GUCY1A2: variants seen among roughly 807,000 people sequenced by gnomAD.
The protein encoded by GUCY1A2 is guanylate cyclase soluble subunit alpha-2.
In GUCY1A2, 27 loss-of-function variants were observed where a neutral mutation model predicts 63.5. That is an observed-to-expected ratio of 0.43 (90% CI 0.31 to 0.59). The LOEUF is 0.59. GUCY1A2 is among the 20% of genes least tolerant of loss of function. The pLI is 0.11. For synonymous variants in GUCY1A2, 364 were observed against 343.5 expected (o/e 1.06, Z -0.66); for missense variants, 768 against 913.3 (o/e 0.84, Z 2.05).
chr11:106,901,653 C>A (rs1023178528), intron 4 of GUCY1A2, among the ~76,000 whole-genome samples: 3 of 136,494 alleles, frequency 2.2e-5, no homozygotes, highest in Non-Finnish European at 3.1e-5. Context: ...CACCCCACAA[C>A]AGGCCTCGGT....
intron 3 of GUCY1A2, among the ~76,000 whole-genome samples, chr11:106,962,024 A>G (rs1248667503): frequency 6.6e-6 from 1 of 152,238 alleles, no homozygotes. Context: ...ACAAATAAGA[A>G]TAAAGTTAAG....
intron 4 of GUCY1A2, among the ~76,000 whole-genome samples, chr11:106,863,725 C>T (rs1859547516): frequency 6.6e-6 from 1 of 151,992 alleles, no homozygotes; most frequent in Non-Finnish European, 1.5e-5. Context: ...TTACTTTGGG[C>T]AGTATGGCCA....
In GUCY1A2 at chr11:106,678,999, G is replaced by C; in HGVS notation, c.*8550C>G. The C allele has an allele frequency of 5.3e-6, 1 of 189,280 alleles. No individual in the cohort carries two copies. Among genetic ancestry groups the C allele is most frequent in the East Asian group, 8.4e-5 (1 of 11,872 alleles). 11.7% of individuals were successfully genotyped at this position (189,280 alleles called of 1,614,324 possible). On this transcript the variant is annotated 3_prime_UTR_variant, in exon 8 of 8. Transcript: ENST00000526355. ...AAGGAACCTAGAAACAACATTAATT[G>C]AATCTCTCATTGCTGAAGAAGTTGA...
At chr11:106,703,101 C>A (rs1862846069) in intron 7 of GUCY1A2, among the ~76,000 whole-genome samples, 1 of 152,072 alleles carries the variant, frequency 6.6e-6, no homozygotes, top group South Asian at 2.1e-4. Flanking sequence ...AGTCTTCTGG[C>A]CTACGTATTT....
intron 1 of GUCY1A2, among the ~76,000 whole-genome samples, chr11:107,004,579 G>C (rs1169674235): frequency 6.6e-6 from 1 of 152,166 alleles, no homozygotes; most frequent in Admixed American, 6.5e-5. Context: ...AGCCCACAGA[G>C]AGCAACGCTG....
chr11:106,689,925 T>C (rs1390161230), intron 7 of GUCY1A2, among the ~76,000 whole-genome samples: 4 of 147,616 alleles, frequency 2.7e-5, no homozygotes, highest in African/African-American at 1.0e-4. Flanking sequence ...AACCGGGAGG[T>C]GGAGGTTGCA....
At chr11:106,708,746 TTAA>T (rs997340284) in intron 6 of GUCY1A2, 80 bp from the exon 7 acceptor site, 313 of 784,118 alleles carry the variant, frequency 4.0e-4, no homozygotes, top group East Asian at 6.9e-4. Context: ...GCACTGCTAA[TTAA>T]TAATAATAAT....
Position 106,939,622 on chromosome 11 carries a change from C to A in GUCY1A2, c.1044G>T (p.Lys348Asn). ...CTTTGTGAGTGTCACATCGAAGCTG[C>A]TTCCTTAGACCTTCCCCCAACTGAA... The part of the protein sequence containing the change: ...SVLQLGEGLR[K>N]QLRCDTHKVL... The change falls in exon 4 of 8, where the codon AAG becomes AAT. Residue 348 changes from lysine to asparagine, a missense_variant. Transcript: ENST00000526355. The A allele has an allele frequency of 6.2e-7, 1 of 1,614,004 alleles. No homozygotes were observed. The highest frequency in any genetic ancestry group is 8.5e-7 in the Non-Finnish European group (1 of 1,179,936).
chr11:106,698,378 T>C (rs1862759662), intron 7 of GUCY1A2, among the ~76,000 whole-genome samples: 1 of 151,674 alleles, frequency 6.6e-6, no homozygotes. Flanking sequence ...TCCCCCAGAC[T>C]CCCAAAATGC....
intron 5 of GUCY1A2, among the ~76,000 whole-genome samples, chr11:106,777,501 T>C (rs1328552859): frequency 6.8e-6 from 1 of 147,626 alleles, no homozygotes; most frequent in Admixed American, 6.7e-5. Flanking sequence ...TATGCAGCCA[T>C]GAAAAAGGAT....
chr11:106,877,267 C>T (rs1195452685), intron 4 of GUCY1A2, among the ~76,000 whole-genome samples: 1 of 152,062 alleles, frequency 6.6e-6, no homozygotes, highest in Non-Finnish European at 1.5e-5. Context: ...CATCTGCAAA[C>T]AGGGATAGTT....
At chr11:106,746,308 G>A (rs995438037) in intron 6 of GUCY1A2, among the ~76,000 whole-genome samples, 1 of 152,166 alleles carries the variant, frequency 6.6e-6, no homozygotes, top group Non-Finnish European at 1.5e-5. Flanking sequence ...TTTGTAGAGT[G>A]AAGAATGTGA....
At chr11:106,932,200 C>T (rs1262442118) in intron 4 of GUCY1A2, among the ~76,000 whole-genome samples, 1 of 152,100 alleles carries the variant, frequency 6.6e-6, no homozygotes, top group South Asian at 2.1e-4. Context: ...TAGGAGGTAC[C>T]TCCTGTTATG....
intron 6 of GUCY1A2, among the ~76,000 whole-genome samples, chr11:106,723,770 T>A (rs963839301): frequency 5.3e-5 from 8 of 151,912 alleles, no homozygotes; most frequent in African/African-American, 1.9e-4. Flanking sequence ...AAGCAGTGAG[T>A]CAAGATCATG....
Position 106,810,007 on chromosome 11 carries a change from A to G in GUCY1A2, c.1678T>C (p.Leu560=), listed in dbSNP as rs1463644307. 1.9e-6 allele frequency: 3 copies of G among 1,599,656 alleles called. No homozygotes were observed. The highest frequency in any genetic ancestry group is 2.7e-5 in the African/African-American group (2 of 74,680). Residue 560 remains leucine, a synonymous_variant, in exon 5 of 8, where the codon TTG becomes CTG. Coordinates refer to ENST00000526355, the MANE Select transcript of GUCY1A2 (RefSeq NM_000855.3). The part of the protein sequence containing the change: ...YTRFDHQCGF[L]DIYKVETIGD... ...AACTCCCTTACCTTATAAATATCCAAAAATCCACACTGGTGGTCAAATCTG... is the reference window on the plus strand; with the variant it reads ...AACTCCCTTACCTTATAAATATCCAGAAATCCACACTGGTGGTCAAATCTG...
intron 1 of GUCY1A2, among the ~76,000 whole-genome samples, chr11:106,989,360 T>C (rs1861442120): frequency 6.6e-6 from 1 of 152,200 alleles, no homozygotes; most frequent in African/African-American, 2.4e-5. Context: ...TATTTTTTTT[T>C]TAGTTAAATG....
At chr11:106,911,484 A>C (rs1860293231) in intron 4 of GUCY1A2, among the ~76,000 whole-genome samples, 1 of 152,144 alleles carries the variant, frequency 6.6e-6, no homozygotes, top group Non-Finnish European at 1.5e-5. Flanking sequence ...GCAAAGAAAT[A>C]AACAATAAAC....
At chr11:106,989,603 A>G (rs1292284153) in intron 1 of GUCY1A2, among the ~76,000 whole-genome samples, 2 of 152,168 alleles carry the variant, frequency 1.3e-5, no homozygotes, top group Non-Finnish European at 2.9e-5. Context: ...ACAGACTTCA[A>G]TTAGAAAACT....
chr11:106,998,798 A>T (rs112455897), intron 1 of GUCY1A2, among the ~76,000 whole-genome samples: 3 of 53,742 alleles, frequency 5.6e-5, no homozygotes, highest in African/African-American at 1.4e-4. Context: ...ATAGTTCATT[A>T]AAAAAAAAAC....
Sources: allele counts gnomAD v4.1 joint callset (sites outside exome capture counted in the v4.1 genomes callset), GRCh38; gene constraint gnomAD v4.1.1; transcripts MANE v1.5; gene names NCBI Gene and HGNC (gene_info 2026-07-23, HGNC 2026-07-21).